Variants in UBE2N observed in about 807,000 individuals in gnomAD.
The protein encoded by UBE2N is ubiquitin conjugating enzyme E2 N, also known as ubiquitin-conjugating enzyme E2 N.
For missense variants in UBE2N, 60 were observed against 192.1 expected (o/e 0.31, Z 4.07); for synonymous variants, 70 against 69.2 (o/e 1.01, Z -0.06).
chr12:93,440,189 A>G (rs907179054), intron 1 of UBE2N, among the ~76,000 whole-genome samples: 1 of 152,216 alleles, frequency 6.6e-6, no homozygotes, highest in Admixed American at 6.5e-5. Flanking sequence ...GAAAACAAGG[A>G]TATTTGATGT....
chr12:93,429,453 A>G (rs1313130124), intron 1 of UBE2N: 2 of 280,498 alleles, frequency 7.1e-6, no homozygotes, highest in Non-Finnish European at 1.4e-5. Flanking sequence ...TCAACTGCAC[A>G]AAAGACAGTG....
At chr12:93,431,037 G>A (rs755517959) in intron 1 of UBE2N, among the ~76,000 whole-genome samples, 1 of 151,618 alleles carries the variant, frequency 6.6e-6, no homozygotes, top group Non-Finnish European at 1.5e-5. Context: ...GACCAGCCTG[G>A]CCAACATGGT....
Position 93,406,671 on chromosome 12 carries a change from T to TA in UBE2N, c.*3367dup, listed in dbSNP as rs1439222149. On this transcript the variant is annotated 3_prime_UTR_variant, in exon 4 of 4. Transcript: ENST00000318066. ...TGTCATTATTCCTTAAACAATAGTG[T>TA]AACTATTTACATAGCACTTACATTA... 2.0e-5 allele frequency: 3 copies of TA among 152,262 alleles called. No homozygotes were observed. The highest frequency in any genetic ancestry group is 7.2e-5 in the African/African-American group (3 of 41,466). The allele number at this position is 152,262 out of a possible 1,614,324, so 9.4% of individuals were successfully genotyped here. A position where few individuals can be genotyped will look rare whatever the true frequency, so the allele number is the denominator to read the frequency against.
intron 1 of UBE2N, chr12:93,429,351 G>C (rs1878687381): frequency 2.4e-6 from 1 of 408,596 alleles, no homozygotes; most frequent in South Asian, 1.8e-5. Flanking sequence ...CATATTTTTA[G>C]ACTTACTGAG....
intron 1 of UBE2N, among the ~76,000 whole-genome samples, chr12:93,417,526 T>A (rs1878257452): frequency 6.6e-6 from 1 of 152,236 alleles, no homozygotes; most frequent in South Asian, 2.1e-4. Flanking sequence ...GAAAAGTTGG[T>A]CCAGTTAGTA....
At chr12:93,412,190 A>G (rs1269773800) in intron 1 of UBE2N, among the ~76,000 whole-genome samples, 1 of 152,190 alleles carries the variant, frequency 6.6e-6, no homozygotes, top group Admixed American at 6.5e-5. Context: ...TCTCTTTTTC[A>G]TCATTCTCCC....
intron 1 of UBE2N, among the ~76,000 whole-genome samples, chr12:93,430,851 T>C (rs886458886): frequency 6.7e-6 from 1 of 150,098 alleles, no homozygotes; most frequent in Non-Finnish European, 1.5e-5. Flanking sequence ...TGGTAGTGCA[T>C]GCCTGTGATC....
rs536314612 is a variant in UBE2N, at chr12:93,405,833, C to A, written c.*4206G>T. 34 of 152,268 alleles carry A rather than the reference C, an allele frequency of 2.2e-4. No individual in the cohort carries two copies. Among genetic ancestry groups the A allele is most frequent in the African/African-American group, 7.9e-4 (33 of 41,550 alleles). The allele number at this position is 152,268 out of a possible 1,614,324, so 9.4% of individuals were successfully genotyped here. On this transcript the variant is annotated 3_prime_UTR_variant, in exon 4 of 4. Transcript: ENST00000318066. ...GCCAAGTAGCTAAATGAAATATCAT[C>A]CCAGCCCAAAAGTACTTATTCGAAT...
chr12:93,434,239 C>T (rs1443647962), intron 1 of UBE2N, among the ~76,000 whole-genome samples: 3 of 152,226 alleles, frequency 2.0e-5, no homozygotes, highest in Non-Finnish European at 2.9e-5. Flanking sequence ...TTGCAGTTAG[C>T]CGAGTTCGTG....
At chr12:93,417,625 A>G (rs773979849) in intron 1 of UBE2N, among the ~76,000 whole-genome samples, 9 of 152,222 alleles carry the variant, frequency 5.9e-5, no homozygotes, top group Non-Finnish European at 1.3e-4. Context: ...ATGACCAGTA[A>G]TATCAACTGT....
intron 1 of UBE2N, among the ~76,000 whole-genome samples, chr12:93,427,183 G>A (rs1176571118): frequency 6.6e-6 from 1 of 152,106 alleles, no homozygotes; most frequent in East Asian, 1.9e-4. Flanking sequence ...GCCTCCCAAA[G>A]GGCTGGGATT....
chr12:93,430,544 T>C (rs1229328307), intron 1 of UBE2N, among the ~76,000 whole-genome samples: 1 of 151,912 alleles, frequency 6.6e-6, no homozygotes, highest in East Asian at 1.9e-4. Context: ...AAGTGAACTA[T>C]GTTACTAAAC....
intron 1 of UBE2N, among the ~76,000 whole-genome samples, chr12:93,425,234 C>T (rs1264299572): frequency 1.3e-5 from 2 of 152,268 alleles, no homozygotes; most frequent in African/African-American, 4.8e-5. Flanking sequence ...AAGAGTCTGG[C>T]CTCAGATTCT....
chr12:93,431,833 C>T (rs1425214933), intron 1 of UBE2N, among the ~76,000 whole-genome samples: 2 of 152,316 alleles, frequency 1.3e-5, no homozygotes, highest in East Asian at 3.9e-4. Context: ...TGATGCCATG[C>T]TTTCTGTCTC....
chr12:93,434,447 G>A (rs1233464512), intron 1 of UBE2N, among the ~76,000 whole-genome samples: 1 of 152,220 alleles, frequency 6.6e-6, no homozygotes, highest in Non-Finnish European at 1.5e-5. Context: ...TTTCACTTGT[G>A]CAGGAGTTGA....
chr12:93,410,975 T>A lies in UBE2N; in HGVS notation c.277+78A>T, dbSNP rs778165843. The stretch of plus-strand genomic sequence containing the variant: ...ACCTCTCTGATCTTTGTATAATGTT[T>A]ACATTCTAAACATGGAATGCTTAAG... On this transcript the variant is annotated intron_variant, in intron 2 of 3. Transcript: ENST00000318066. 218 of 1,613,712 alleles carry A rather than the reference T, an allele frequency of 1.4e-4. 1 individual carries two copies. Among genetic ancestry groups the A allele is most frequent in the Non-Finnish European group, 1.8e-4 (214 of 1,179,742 alleles).
intron 1 of UBE2N, among the ~76,000 whole-genome samples, chr12:93,414,288 A>G (rs1373037696): frequency 6.6e-6 from 1 of 151,340 alleles, no homozygotes; most frequent in East Asian, 1.9e-4. Flanking sequence ...CACCTCTACT[A>G]AAAATATAAA....
chr12:93,418,190 C>T (rs553813672), intron 1 of UBE2N, among the ~76,000 whole-genome samples: 3 of 152,162 alleles, frequency 2.0e-5, no homozygotes, highest in South Asian at 2.1e-4. Flanking sequence ...GACCCCATCT[C>T]TGCAAACCAA....
At chr12:93,431,608 A>G (rs1173115637) in intron 1 of UBE2N, among the ~76,000 whole-genome samples, 2 of 152,238 alleles carry the variant, frequency 1.3e-5, no homozygotes, top group African/African-American at 4.8e-5. Flanking sequence ...CTATTTTTAC[A>G]TAATAAAAAC....
Sources: allele counts gnomAD v4.1 joint callset (sites outside exome capture counted in the v4.1 genomes callset), GRCh38; gene constraint gnomAD v4.1.1; transcripts MANE v1.5; gene names NCBI Gene and HGNC (gene_info 2026-07-23, HGNC 2026-07-21).